Variants in PCNX1 observed in about 807,000 individuals in gnomAD.
The protein encoded by PCNX1 is pecanex-like protein 1.
PCNX1 carries 78 observed loss-of-function variants against 242.2 expected under a neutral mutation model. The ratio of observed to expected loss-of-function variants is 0.32; its 90% CI spans 0.27 to 0.39. The LOEUF (loss-of-function observed/expected upper bound fraction) is 0.39. Ranked by LOEUF, PCNX1 falls within the 10% of genes least tolerant of loss-of-function variation. PCNX1 has a pLI of 1.00. For synonymous variants in PCNX1, 1,024 were observed against 1,032.9 expected (o/e 0.99, Z 0.17); for missense variants, 2,581 against 2,856.5 (o/e 0.90, Z 2.20).
chr14:71,032,288 C>T (rs2060410045), intron 16 of PCNX1, among the ~76,000 whole-genome samples: 1 of 152,170 alleles, frequency 6.6e-6, no homozygotes, highest in African/African-American at 2.4e-5. Context: ...GTATTTATCT[C>T]CCTTTCATTC....
At chr14:71,052,473 A>G (rs1038265306) in intron 24 of PCNX1, among the ~76,000 whole-genome samples, 1 of 152,170 alleles carries the variant, frequency 6.6e-6, no homozygotes, top group Non-Finnish European at 1.5e-5. Flanking sequence ...TCAGCCTCCC[A>G]AAGTGTTAGG....
intron 23 of PCNX1, 83 bp from the exon 24 acceptor site, chr14:71,051,800 A>G (rs2141184132): frequency 7.4e-7 from 1 of 1,343,964 alleles, no homozygotes; most frequent in East Asian, 2.3e-5. Context: ...GGTAATCTAA[A>G]TGTGTCTGCT....
At chr14:70,983,496 G>A (rs913964630) in intron 6 of PCNX1, among the ~76,000 whole-genome samples, 2 of 152,034 alleles carry the variant, frequency 1.3e-5, no homozygotes, top group Non-Finnish European at 2.9e-5. Context: ...GTAGAGATGG[G>A]GTTTCACCAT....
chr14:70,916,766 A>G (rs1321852691), intron 1 of PCNX1, among the ~76,000 whole-genome samples: 1 of 152,136 alleles, frequency 6.6e-6, no homozygotes, highest in African/African-American at 2.4e-5. Context: ...GGCTGTGGCA[A>G]TTTCTTAAAA....
intron 1 of PCNX1, among the ~76,000 whole-genome samples, chr14:70,934,986 C>T (rs145313374): frequency 3.0e-3 from 248 of 82,592 alleles, no homozygotes; most frequent in African/African-American, 0.01. Context: ...AACTAAGTCA[C>T]CAGACAGACC....
At chr14:70,911,602 G>T (rs1434782433) in intron 1 of PCNX1, among the ~76,000 whole-genome samples, 1 of 152,098 alleles carries the variant, frequency 6.6e-6, no homozygotes, top group Non-Finnish European at 1.5e-5. Flanking sequence ...ATGGTGGAAA[G>T]CAGATTGGAA....
chr14:70,988,424 A>C (rs774444091), intron 6 of PCNX1, 143 bp from the exon 7 acceptor site: 23 of 637,316 alleles, frequency 3.6e-5, no homozygotes, highest in Non-Finnish European at 2.6e-6. Context: ...GATATGATAG[A>C]TTGACAGTAT....
At chr14:71,005,639 A>C (rs1164290538) in intron 8 of PCNX1, among the ~76,000 whole-genome samples, 5 of 152,194 alleles carry the variant, frequency 3.3e-5, no homozygotes, top group African/African-American at 1.2e-4. Flanking sequence ...AGAGAATCCC[A>C]TTCATTTCCC....
chr14:71,093,025 G>C (rs1452517441), intron 30 of PCNX1: 1 of 152,108 alleles, frequency 6.6e-6, no homozygotes, highest in Non-Finnish European at 1.5e-5. Context: ...CTTGCCTCCA[G>C]ATAACATCTC....
chr14:70,976,974 G>A lies in PCNX1; in HGVS notation c.637G>A (p.Val213Ile), dbSNP rs1408703934. ...AGCTGATCGGAAGCTCTTTCGTCTT[G>A]TCTCCAATGACTCCTTCATCTCTAT... ...LAADRKLFRLVSNDSFISIQP... is the reference protein window; with the variant it reads ...LAADRKLFRLISNDSFISIQP... Residue 213 changes from valine to isoleucine, a missense_variant, in exon 6 of 36, where the codon GTC becomes ATC. Transcript: ENST00000304743. 7 of 1,613,674 alleles carry A rather than the reference G, an allele frequency of 4.3e-6. No individual in the cohort carries two copies. The highest frequency in any genetic ancestry group is 1.6e-4 in the Middle Eastern group (1 of 6,062).
chr14:70,987,991 A>G (rs1655723702), intron 6 of PCNX1, among the ~76,000 whole-genome samples: 2 of 152,228 alleles, frequency 1.3e-5, no homozygotes, highest in South Asian at 4.1e-4. Context: ...AAATATATTC[A>G]TGCTATGTTG....
At chr14:71,053,276 CT>C (rs1266263272) in intron 24 of PCNX1, 2 of 447,436 alleles carry the variant, frequency 4.5e-6, no homozygotes, top group Non-Finnish European at 8.9e-6. Context: ...CTTTTCTTTT[CT>C]TTTTCTTTTT....
rs1160108656 is a variant in PCNX1, at chr14:71,115,160, T to C, written c.*5225T>C. 6.6e-6 allele frequency: 1 copy of C among 152,590 alleles called. No homozygotes were observed. The highest frequency in any genetic ancestry group is 1.5e-5 in the Non-Finnish European group (1 of 68,036). 9.5% of individuals were successfully genotyped at this position (152,590 alleles called of 1,614,324 possible). On this transcript the variant is annotated 3_prime_UTR_variant, in exon 36 of 36. Coordinates refer to ENST00000304743, the MANE Select transcript of PCNX1 (RefSeq NM_014982.3). ...GATCATGGGCTCTGGAAAGTATTCATGGCCTTTACCAGCATTCAGTATAAA... is the reference window on the plus strand; with the variant it reads ...GATCATGGGCTCTGGAAAGTATTCACGGCCTTTACCAGCATTCAGTATAAA...
intron 1 of PCNX1, among the ~76,000 whole-genome samples, chr14:70,936,357 A>G (rs1024781918): frequency 6.5e-5 from 9 of 138,630 alleles, no homozygotes; most frequent in African/African-American, 1.1e-4. Flanking sequence ...TTCAGTTCCC[A>G]CCTATGAGTG....
Position 71,113,771 on chromosome 14 carries a change from A to G in PCNX1, c.*3836A>G, listed in dbSNP as rs1201498389. The G allele has an allele frequency of 6.6e-6, 1 of 152,222 alleles. No individual in the cohort carries two copies. The highest frequency in any genetic ancestry group is 1.5e-5 in the Non-Finnish European group (1 of 68,034). The allele number at this position is 152,222 out of a possible 1,614,324, so 9.4% of individuals were successfully genotyped here. Reference sequence around the variant, plus strand: ...ATTTATATTTACTAGCTACTTAACCATAAACTGCTGTCCAGATTGTTAATT... The same window carrying G: ...ATTTATATTTACTAGCTACTTAACCGTAAACTGCTGTCCAGATTGTTAATT... On this transcript the variant is annotated 3_prime_UTR_variant, in exon 36 of 36. Coordinates refer to ENST00000304743, the MANE Select transcript of PCNX1 (RefSeq NM_014982.3).
At chr14:71,087,697 G>A (rs1474108399) in intron 28 of PCNX1, among the ~76,000 whole-genome samples, 1 of 152,032 alleles carries the variant, frequency 6.6e-6, no homozygotes, top group Non-Finnish European at 1.5e-5. Flanking sequence ...TTATTTTTTG[G>A]TAACTGAGAT....
intron 18 of PCNX1, among the ~76,000 whole-genome samples, 170 bp downstream of exon 18, chr14:71,034,206 T>C (rs1387418827): frequency 1.3e-5 from 2 of 152,152 alleles, no homozygotes; most frequent in African/African-American, 4.8e-5. Flanking sequence ...TATTAACATA[T>C]AAGAAATGCT....
In PCNX1 at chr14:71,113,428, T is replaced by G. The variant is rs2062791726; in HGVS notation, c.*3493T>G. ...AGAAAACCCATTAAGAAGATGTGTT[T>G]TTCTTTCTGAATTAGTTTATTTTTC... On this transcript the variant is annotated 3_prime_UTR_variant, in exon 36 of 36. Transcript: ENST00000304743. 1 of 152,694 alleles carries G rather than the reference T, an allele frequency of 6.5e-6. No homozygotes were observed. Among genetic ancestry groups the G allele is most frequent in the African/African-American group, 2.4e-5 (1 of 41,466 alleles). 9.5% of individuals were successfully genotyped at this position (152,694 alleles called of 1,614,324 possible).
intron 2 of PCNX1, among the ~76,000 whole-genome samples, chr14:70,953,221 G>A (rs1031973992): frequency 1.3e-5 from 2 of 152,176 alleles, no homozygotes; most frequent in African/African-American, 2.4e-5. Context: ...CAAGAGTTCA[G>A]TGGGCTTTGA....
Sources: allele counts gnomAD v4.1 joint callset (sites outside exome capture counted in the v4.1 genomes callset), GRCh38; gene constraint gnomAD v4.1.1; transcripts MANE v1.5; gene names NCBI Gene and HGNC (gene_info 2026-07-23, HGNC 2026-07-21).